Variants in TDRD7 observed in about 807,000 individuals in gnomAD.
The protein encoded by TDRD7 is tudor domain-containing protein 7.
TDRD7 carries 47 observed loss-of-function variants against 109.8 expected under a neutral mutation model. That is an observed-to-expected ratio of 0.43 (90% CI 0.34 to 0.55). The LOEUF (loss-of-function observed/expected upper bound fraction) is 0.55, where lower values mean the gene tolerates loss of function less well. TDRD7 is among the 20% of genes least tolerant of loss of function. The pLI is 0.03. For synonymous variants in TDRD7, 424 were observed against 457.3 expected (o/e 0.93, Z 0.93); for missense variants, 1,164 against 1,319.2 (o/e 0.88, Z 1.82).
Position 97,480,927 on chromosome 9 carries a change from T to G in TDRD7, c.2401T>G (p.Cys801Gly). The G allele has an allele frequency of 6.2e-7, 1 of 1,613,886 alleles. No individual in the cohort carries two copies. The highest frequency in any genetic ancestry group is 8.5e-7 in the Non-Finnish European group (1 of 1,179,756). ...LRDSVLNCSD[C>G]SIKVTKVDET... ...AGATTCTGTTTTGAATTGCTCGGAC[T>G]GTAGCATTAAGGTTAGCTATCTTGT... Residue 801 changes from cysteine to glycine, a missense_variant, in exon 14 of 17, where the codon TGT (cysteine) becomes GGT (glycine). Physicochemically the swap from Cys to Gly is radical, Grantham distance 159 (BLOSUM62 -3). Coordinates refer to ENST00000355295, the MANE Select transcript of TDRD7 (RefSeq NM_014290.3).
intron 4 of TDRD7, among the ~76,000 whole-genome samples, chr9:97,438,405 A>G (rs887037270): frequency 2.0e-5 from 3 of 152,182 alleles, no homozygotes; most frequent in Non-Finnish European, 4.4e-5. Context: ...CACTCACTAT[A>G]GTCCCGTACC....
intron 6 of TDRD7, among the ~76,000 whole-genome samples, chr9:97,452,626 T>C (rs569363966): frequency 7.9e-5 from 12 of 152,360 alleles, no homozygotes; most frequent in African/African-American, 2.6e-4. Context: ...TATTTGGCTA[T>C]GGTTTGTACT....
intron 8 of TDRD7, among the ~76,000 whole-genome samples, chr9:97,468,478 C>T (rs1191496362): frequency 6.6e-6 from 1 of 152,238 alleles, no homozygotes; most frequent in Admixed American, 6.5e-5. Context: ...CTTGGGACAG[C>T]GGTGATTGTA....
At chr9:97,463,994 G>A (rs1828777201) in intron 7 of TDRD7, among the ~76,000 whole-genome samples, 2 of 152,184 alleles carry the variant, frequency 1.3e-5, no homozygotes, top group Admixed American at 1.3e-4. Context: ...TGTACTCACA[G>A]CTTTGTTTTT....
rs149674468 is a variant in TDRD7 at position 97,454,426 on chromosome 9, A to G, written c.856-5752A>G. Among the ~76,000 whole-genome samples, 5 of 152,324 alleles carry G rather than the reference A, an allele frequency of 3.3e-5. No homozygotes were observed. The East Asian group carries it at 9.7e-4, about 29-fold the overall frequency. ...CACCAGGGAGGCAGAGCTTGCAGTG[A>G]GCCGAGATCGTGCCACTGCACTCCA... On this transcript the variant is annotated intron_variant, in intron 6 of 16. Coordinates refer to ENST00000355295, the MANE Select transcript of TDRD7 (RefSeq NM_014290.3).
intron 4 of TDRD7, 102 bp from the exon 5 acceptor site, chr9:97,439,143 T>C (rs1828252018): frequency 1.3e-6 from 1 of 778,046 alleles, no homozygotes; most frequent in Non-Finnish European, 1.9e-6. Context: ...TGTTTTGCTG[T>C]TAAATGCCAC....
chr9:97,413,135 T>A (rs979023620), intron 1 of TDRD7, among the ~76,000 whole-genome samples: 19 of 152,158 alleles, frequency 1.2e-4, no homozygotes, highest in African/African-American at 4.6e-4. Flanking sequence ...TACCAACACC[T>A]CTCTGCTCTC....
chr9:97,422,780 G>C (rs1338953495), intron 1 of TDRD7, among the ~76,000 whole-genome samples: 4 of 151,904 alleles, frequency 2.6e-5, no homozygotes, highest in African/African-American at 9.7e-5. Flanking sequence ...TTCACCTATT[G>C]ATATGATTGT....
Position 97,478,463 on chromosome 9 carries a change from GCTC to G in TDRD7, c.2192_2194del (p.Ala731_Leu732delinsVal). On this transcript the variant is annotated inframe_deletion, in exon 13 of 17. Transcript: ENST00000355295. ...GATCACAAATGTTCACAGCAGCCGG[GCTC>G]TTGATGTTCAGTTCCTGGACTCTGG... 4 of 1,613,976 alleles carry G rather than the reference GCTC, an allele frequency of 2.5e-6. No individual in the cohort carries two copies. The highest frequency in any genetic ancestry group is 3.4e-6 in the Non-Finnish European group (4 of 1,179,964).
intron 13 of TDRD7, 140 bp from the exon 14 acceptor site, chr9:97,480,688 A>G (rs1269885514): frequency 2.7e-6 from 2 of 734,090 alleles, no homozygotes; most frequent in Non-Finnish European, 4.9e-6. Flanking sequence ...CAAACCAGGA[A>G]CTGTGATTGT....
intron 6 of TDRD7, among the ~76,000 whole-genome samples, chr9:97,446,621 T>C (rs1828405537): frequency 6.6e-6 from 1 of 152,196 alleles, no homozygotes; most frequent in Non-Finnish European, 1.5e-5. Flanking sequence ...CTCTTAAAAA[T>C]TCTTAAAATT....
intron 16 of TDRD7, among the ~76,000 whole-genome samples, chr9:97,488,910 A>C (rs1036696147): frequency 1.3e-4 from 20 of 152,114 alleles, no homozygotes; most frequent in African/African-American, 4.8e-4. Flanking sequence ...CCTTTGACCC[A>C]TGTGTTATTT....
Position 97,433,871 on chromosome 9 carries a change from G to A in TDRD7, c.563+1633G>A, listed in dbSNP as rs77588129. Among the ~76,000 whole-genome samples, 1,120 of 152,254 alleles carry A rather than the reference G, an allele frequency of 7.4e-3. 11 individuals are homozygous for A. The highest frequency in any genetic ancestry group is 0.01 in the Non-Finnish European group (695 of 68,004). ...TATCAAAACGCAGAAAATAACAAGT[G>A]CTGGTAAGGATGTGGAGAAAAGGGG... is the stretch of plus-strand genomic sequence containing the variant. On this transcript the variant is annotated intron_variant, in intron 4 of 16. Transcript: ENST00000355295.
rs1425392763 is a variant in TDRD7, at chr9:97,444,826, A to G, written c.855+2951A>G. Among the ~76,000 whole-genome samples the G allele has an allele frequency of 3.3e-5, 5 of 152,372 alleles. No individual in the cohort carries two copies. The East Asian group carries it at 9.6e-4, about 29-fold the overall frequency. ...CACCCAGAGATTACTACTTACAGGAATTCCATTTGAATATCAGAATGCACA... is the reference window on the plus strand; with the variant it reads ...CACCCAGAGATTACTACTTACAGGAGTTCCATTTGAATATCAGAATGCACA... On this transcript the variant is annotated intron_variant, in intron 6 of 16. Coordinates refer to ENST00000355295, the MANE Select transcript of TDRD7 (RefSeq NM_014290.3).
intron 16 of TDRD7, among the ~76,000 whole-genome samples, chr9:97,495,365 C>A (rs1398099999): frequency 6.6e-6 from 1 of 151,934 alleles, no homozygotes; most frequent in Non-Finnish European, 1.5e-5. Flanking sequence ...TTTAAATATG[C>A]ATATACTTTA....
Position 97,494,360 on chromosome 9 carries a change from G to A in TDRD7, c.3077-1303G>A, listed in dbSNP as rs149889150. On this transcript the variant is annotated intron_variant, in intron 16 of 16. Transcript: ENST00000355295. ...TGACCTGGGCATTCTTTGCATCAGT[G>A]CACCATGGCCATGCACAAAATTTTC... Among the ~76,000 whole-genome samples, 48 of 152,290 alleles carry A rather than the reference G, an allele frequency of 3.2e-4. No individual in the cohort carries two copies. The East Asian group carries it at 9.1e-3, about 29-fold the overall frequency.
intron 6 of TDRD7, among the ~76,000 whole-genome samples, chr9:97,449,551 T>C: frequency 6.6e-6 from 1 of 152,200 alleles, no homozygotes; most frequent in Non-Finnish European, 1.5e-5. Flanking sequence ...AAGAAATGCA[T>C]AAATGGGGGA....
chr9:97,492,360 A>T (rs1829322561), intron 16 of TDRD7, among the ~76,000 whole-genome samples: 1 of 152,194 alleles, frequency 6.6e-6, no homozygotes, highest in Non-Finnish European at 1.5e-5. Flanking sequence ...GAAGTTAAAT[A>T]TCTTGTCCAA....
intron 1 of TDRD7, among the ~76,000 whole-genome samples, chr9:97,414,494 G>GA (rs58293803): frequency 6.6e-6 from 1 of 152,020 alleles, no homozygotes; most frequent in African/African-American, 2.4e-5. Flanking sequence ...TCTTCCTTGT[G>GA]AAAAAAAGAG....
Sources: allele counts gnomAD v4.1 joint callset (sites outside exome capture counted in the v4.1 genomes callset), GRCh38; gene constraint gnomAD v4.1.1; transcripts MANE v1.5; gene names NCBI Gene and HGNC (gene_info 2026-07-23, HGNC 2026-07-21).